Variants in ASIC2 observed in about 807,000 individuals in gnomAD.
ASIC2 encodes acid sensing ion channel subunit 2, also known as acid-sensing ion channel 2.
In ASIC2, 25 loss-of-function variants were observed where a neutral mutation model predicts 57.3. The ratio of observed to expected loss-of-function variants is 0.44; its 90% CI spans 0.32 to 0.61. The LOEUF is 0.61. Ranked by LOEUF, ASIC2 falls within the 20% of genes least tolerant of loss-of-function variation. The pLI, the probability that ASIC2 is intolerant of heterozygous loss-of-function variation, is 0.06. For missense variants in ASIC2, 641 were observed against 738.1 expected, an observed-to-expected ratio of 0.87 and a Z score of 1.52; for synonymous variants, 319 against 307.5, an observed-to-expected ratio of 1.04 and a Z score of -0.39.
chr17:33,332,706 C>T (rs1428731263), intron 1 of ASIC2, among the ~76,000 whole-genome samples: 1 of 152,086 alleles, frequency 6.6e-6, no homozygotes, highest in East Asian at 1.9e-4. Flanking sequence ...GCCTGGCCAA[C>T]ATGGTGAAAC....
At chr17:33,349,938 T>A (rs184953867) in intron 1 of ASIC2, among the ~76,000 whole-genome samples, 152 of 152,234 alleles carry the variant, frequency 1.0e-3, no homozygotes, top group African/African-American at 3.5e-3. Flanking sequence ...AGCCTTGATA[T>A]AGAGAAAGTA....
chr17:34,050,005 G>A (rs1014431988), intron 1 of ASIC2, among the ~76,000 whole-genome samples: 2 of 152,194 alleles, frequency 1.3e-5, no homozygotes, highest in African/African-American at 4.8e-5. Context: ...CATGGAAAAT[G>A]TTTGAAACAG....
intron 1 of ASIC2, among the ~76,000 whole-genome samples, chr17:34,099,767 A>AG (rs1227409445): frequency 2.8e-5 from 1 of 36,322 alleles, no homozygotes; most frequent in African/African-American, 1.1e-4. Flanking sequence ...AGAAAGAAAG[A>AG]AAGAAAGAAA....
intron 1 of ASIC2, among the ~76,000 whole-genome samples, chr17:33,305,556 A>G (rs1906135902): frequency 6.6e-6 from 1 of 152,244 alleles, no homozygotes; most frequent in Admixed American, 6.5e-5. Context: ...AACATAAAAA[A>G]GATGTTTAAA....
At chr17:34,002,782 G>A (rs1329574819) in intron 1 of ASIC2, 1 of 151,980 alleles carries the variant, frequency 6.6e-6, no homozygotes. Context: ...AAAAAAGCTG[G>A]TATGGTTTTT....
chr17:33,508,811 T>G (rs1373486143), intron 1 of ASIC2, among the ~76,000 whole-genome samples: 1 of 152,160 alleles, frequency 6.6e-6, no homozygotes, highest in Non-Finnish European at 1.5e-5. Context: ...ACCCCTGGAA[T>G]AGCTCCCATC....
intron 1 of ASIC2, among the ~76,000 whole-genome samples, chr17:34,132,392 G>A (rs1280187962): frequency 2.6e-5 from 4 of 152,154 alleles, no homozygotes; most frequent in Non-Finnish European, 4.4e-5. Context: ...TGCGGCTGCT[G>A]GCTGGGGATG....
intron 1 of ASIC2, among the ~76,000 whole-genome samples, chr17:33,766,997 A>G (rs1377543005): frequency 1.3e-5 from 2 of 152,246 alleles, no homozygotes; most frequent in Non-Finnish European, 2.9e-5. Context: ...GACCATCATT[A>G]AATAAAAGAA....
At chr17:33,794,117 C>T (rs926195955) in intron 1 of ASIC2, 1 of 152,202 alleles carries the variant, frequency 6.6e-6, no homozygotes, top group Non-Finnish European at 1.5e-5. Flanking sequence ...TCACCCATTC[C>T]ACTGAGCTGC....
chr17:33,752,517 G>T (rs1226505228), intron 1 of ASIC2, among the ~76,000 whole-genome samples: 1 of 152,104 alleles, frequency 6.6e-6, no homozygotes, highest in African/African-American at 2.4e-5. Context: ...TTCAATACTA[G>T]CAACATAAGC....
intron 1 of ASIC2, among the ~76,000 whole-genome samples, chr17:33,736,005 G>T (rs1169318927): frequency 6.6e-6 from 1 of 152,070 alleles, no homozygotes; most frequent in African/African-American, 2.4e-5. Flanking sequence ...CCTGGTCTCT[G>T]CTTGTTCAGT....
chr17:33,422,141 G>C (rs796548167), intron 1 of ASIC2, among the ~76,000 whole-genome samples: 1 of 152,218 alleles, frequency 6.6e-6, no homozygotes, highest in Non-Finnish European at 1.5e-5. Context: ...TTCCTGAGCA[G>C]CTGCTTCTGT....
intron 1 of ASIC2, among the ~76,000 whole-genome samples, chr17:33,402,361 G>A (rs556563201): frequency 6.6e-6 from 1 of 152,206 alleles, no homozygotes; most frequent in East Asian, 1.9e-4. Flanking sequence ...ATGTGCCATG[G>A]TGGTTTGCTG....
At chr17:33,030,549 A>T (rs1388919383) in intron 3 of ASIC2, among the ~76,000 whole-genome samples, 1 of 152,066 alleles carries the variant, frequency 6.6e-6, no homozygotes, top group Non-Finnish European at 1.5e-5. Context: ...TAGAAACTCC[A>T]GTATCATGTT....
chr17:33,443,452 C>T (rs1256973157), intron 1 of ASIC2, among the ~76,000 whole-genome samples: 6 of 113,032 alleles, frequency 5.3e-5, no homozygotes, highest in East Asian at 2.7e-4. Context: ...CTCGCTCTGT[C>T]GCCCAGGCTG....
At chr17:33,842,557 G>A (rs893238537) in intron 1 of ASIC2, among the ~76,000 whole-genome samples, 1 of 152,178 alleles carries the variant, frequency 6.6e-6, no homozygotes, top group African/African-American at 2.4e-5. Context: ...TGGACTGGAA[G>A]TCACAGAGGT....
At chr17:33,786,398 G>A (rs1164297695) in intron 1 of ASIC2, among the ~76,000 whole-genome samples, 1 of 152,084 alleles carries the variant, frequency 6.6e-6, no homozygotes, top group Non-Finnish European at 1.5e-5. Context: ...TCAAGAAGTA[G>A]TAAATGATGA....
At chr17:33,155,039 G>A (rs528814308) in intron 1 of ASIC2, among the ~76,000 whole-genome samples, 76 of 152,310 alleles carry the variant, frequency 5.0e-4, no homozygotes, top group African/African-American at 1.7e-3. Context: ...CGGCGGCAGC[G>A]TCTTTTCTCC....
At chr17:33,542,338 T>C (rs372130220) in intron 1 of ASIC2, among the ~76,000 whole-genome samples, 2 of 140,234 alleles carry the variant, frequency 1.4e-5, no homozygotes, top group African/African-American at 2.7e-5. Flanking sequence ...TCCACAATGG[T>C]TGAACTAGTT....
Sources: allele counts gnomAD v4.1 joint callset (sites outside exome capture counted in the v4.1 genomes callset), GRCh38; gene constraint gnomAD v4.1.1; transcripts MANE v1.5; gene names NCBI Gene and HGNC (gene_info 2026-07-23, HGNC 2026-07-21).